Variants in KCNIP4 observed in about 807,000 individuals in gnomAD.
The protein encoded by KCNIP4 is Kv channel-interacting protein 4.
A neutral mutation model predicts 34.0 loss-of-function variants in KCNIP4; 12 were observed. The ratio of observed to expected loss-of-function variants is 0.35; its 90% CI spans 0.23 to 0.57. The LOEUF is 0.57. Ranked by LOEUF, KCNIP4 falls within the 20% of genes least tolerant of loss-of-function variation. The probability of loss-of-function intolerance (pLI) is 0.83; values close to 1 mark genes in which losing one functional copy is unlikely to be tolerated. For synonymous variants in KCNIP4, 124 were observed against 102.2 expected (o/e 1.21, Z -1.29); for missense variants, 238 against 311.7 (o/e 0.76, Z 1.78).
At position 20,732,521 on chromosome 4, in the gene KCNIP4, T is replaced by C. The variant is rs879114350; in HGVS notation, c.642+160A>G. On this transcript the variant is annotated intron_variant, in intron 7 of 8. Transcript: ENST00000382152. ...TAAATGCAGTTATCAGCATTGTAAA[T>C]TCAAAACCAAAGCTATTAAATTAAT... Among the ~76,000 whole-genome samples the C allele has an allele frequency of 2.6e-5, 4 of 152,346 alleles. No homozygotes were observed. In the South Asian group the frequency reaches 8.3e-4, roughly 32 times the overall value.
intron 1 of KCNIP4, among the ~76,000 whole-genome samples, chr4:21,169,660 T>TTGTGTG (rs58544791): frequency 0.052 from 7,053 of 135,866 alleles, 224 homozygotes; most frequent in Non-Finnish European, 0.067. Flanking sequence ...TACTTTATAT[T>TTGTGTG]TGTGTGTGTG....
At chr4:21,611,126 T>C (rs1451959643) in intron 1 of KCNIP4, among the ~76,000 whole-genome samples, 1 of 152,204 alleles carries the variant, frequency 6.6e-6, no homozygotes, top group Non-Finnish European at 1.5e-5. Flanking sequence ...GCTTCTTCCA[T>C]GTCCCTACAA....
intron 3 of KCNIP4, among the ~76,000 whole-genome samples, chr4:20,846,566 T>A (rs377504730): frequency 6.6e-6 from 1 of 152,028 alleles, no homozygotes; most frequent in Non-Finnish European, 1.5e-5. Flanking sequence ...GGACTTCAGA[T>A]TAAAAAAAAG....
At chr4:21,415,164 G>T (rs1724841856) in intron 1 of KCNIP4, among the ~76,000 whole-genome samples, 1 of 151,882 alleles carries the variant, frequency 6.6e-6, no homozygotes, top group Admixed American at 6.6e-5. Flanking sequence ...AGGAGTCTTA[G>T]GACATTATAT....
intron 1 of KCNIP4, among the ~76,000 whole-genome samples, chr4:21,276,109 A>G (rs1464185604): frequency 6.6e-6 from 1 of 152,216 alleles, no homozygotes; most frequent in Non-Finnish European, 1.5e-5. Flanking sequence ...TGGTGCCACT[A>G]CATTCTGTCC....
Position 21,065,748 on chromosome 4 carries a change from AT to A in KCNIP4, c.62-183040del, listed in dbSNP as rs1744313010. ...TGTCTATATATATATATATATATAT[AT>A]ATATATATATATATATAACTCAATT... On this transcript the variant is annotated intron_variant, in intron 1 of 8. Transcript: ENST00000382152. Among the ~76,000 whole-genome samples the A allele has an allele frequency of 3.5e-5, 5 of 143,394 alleles. No homozygotes were observed. The South Asian group carries it at 1.1e-3, about 31-fold the overall frequency. 94.1% of individuals were successfully genotyped at this position (143,394 alleles called of 152,430 possible). A position where few individuals can be genotyped will look rare whatever the true frequency, so the allele number is the denominator to read the frequency against.
chr4:21,093,812 T>C (rs1370896074), intron 1 of KCNIP4, among the ~76,000 whole-genome samples: 1 of 152,104 alleles, frequency 6.6e-6, no homozygotes, highest in East Asian at 1.9e-4. Context: ...GCCAGGCACG[T>C]TGGCTGACGC....
chr4:21,356,191 A>G lies in KCNIP4; in HGVS notation c.62-473482T>C, dbSNP rs560891601. Among the ~76,000 whole-genome samples, 56 of 152,336 alleles carry G rather than the reference A, an allele frequency of 3.7e-4. 1 individual carries two copies. In the South Asian group the frequency reaches 0.011, roughly 30 times the overall value. On this transcript the variant is annotated intron_variant, in intron 1 of 8. Transcript: ENST00000382152. Reference sequence around the variant, plus strand: ...TATCTCAAAATATTAAGAGCTATTTATGACAAACCCACAGCAAATATCATA... The same window carrying G: ...TATCTCAAAATATTAAGAGCTATTTGTGACAAACCCACAGCAAATATCATA...
intron 1 of KCNIP4, among the ~76,000 whole-genome samples, chr4:21,154,469 T>C (rs933277815): frequency 3.3e-5 from 5 of 151,910 alleles, no homozygotes; most frequent in African/African-American, 9.7e-5. Flanking sequence ...CACATTTTCA[T>C]TGCACAACCC....
chr4:21,714,787 TTA>T (rs1491190402), intron 1 of KCNIP4, among the ~76,000 whole-genome samples: 4,589 of 12,000 alleles, frequency 0.38, 669 homozygotes, highest in Non-Finnish European at 0.48. Context: ...TTCCCTTTGA[TTA>T]TTTTATTTTA....
intron 1 of KCNIP4, among the ~76,000 whole-genome samples, chr4:20,923,250 A>G (rs1261368298): frequency 1.3e-5 from 2 of 152,182 alleles, no homozygotes; most frequent in African/African-American, 4.8e-5. Context: ...TTTAAGTCAC[A>G]CCTGGCACTG....
At chr4:20,842,581 C>CAAAAAAAAAAAAAAAAAAA (rs59134256) in intron 3 of KCNIP4, among the ~76,000 whole-genome samples, 3 of 69,688 alleles carry the variant, frequency 4.3e-5, no homozygotes, top group Admixed American at 2.0e-4. Context: ...CTTCTAATGG[C>CAAAAAAAAAAAAAAAAAAA]AAAAAAAAAA....
At chr4:21,040,599 A>C (rs568615279) in intron 1 of KCNIP4, among the ~76,000 whole-genome samples, 1 of 152,184 alleles carries the variant, frequency 6.6e-6, no homozygotes, top group Non-Finnish European at 1.5e-5. Context: ...AAATTGAAAC[A>C]GTACCTTCAT....
At chr4:21,420,647 A>T (rs1318060802) in intron 1 of KCNIP4, among the ~76,000 whole-genome samples, 1 of 152,202 alleles carries the variant, frequency 6.6e-6, no homozygotes, top group Non-Finnish European at 1.5e-5. Flanking sequence ...TTCTAAGTGG[A>T]ATAACTGCTA....
At chr4:21,046,467 C>CA (rs1560674429) in intron 1 of KCNIP4, among the ~76,000 whole-genome samples, 1 of 151,836 alleles carries the variant, frequency 6.6e-6, no homozygotes, top group Non-Finnish European at 1.5e-5. Context: ...GTTTCAAAGT[C>CA]AGAGTGATAA....
At chr4:20,858,914 AAGTGAC>A (rs1721905660) in intron 2 of KCNIP4, among the ~76,000 whole-genome samples, 1 of 152,196 alleles carries the variant, frequency 6.6e-6, no homozygotes, top group Admixed American at 6.5e-5. Flanking sequence ...TACAGCTTAC[AAGTGAC>A]AGGGCTGGGA....
chr4:21,808,835 C>T (rs914185435), intron 1 of KCNIP4, among the ~76,000 whole-genome samples: 8 of 152,176 alleles, frequency 5.3e-5, no homozygotes, highest in African/African-American at 1.9e-4. Flanking sequence ...CTGCACTCAG[C>T]ACTAGAAGAG....
chr4:20,815,591 C>T (rs894687143), intron 3 of KCNIP4, among the ~76,000 whole-genome samples: 3 of 152,146 alleles, frequency 2.0e-5, no homozygotes, highest in African/African-American at 4.8e-5. Context: ...CAGCTGGCAG[C>T]GATCTGGAAA....
chr4:21,782,803 C>T (rs1238758770), intron 1 of KCNIP4, among the ~76,000 whole-genome samples: 1 of 152,048 alleles, frequency 6.6e-6, no homozygotes, highest in East Asian at 1.9e-4. Context: ...AAACAAATTG[C>T]AGTAGATCCC....
Sources: gnomAD v4.1 joint callset for allele counts (sites outside exome capture counted in the v4.1 genomes callset) on GRCh38, gnomAD v4.1.1 for gene constraint, MANE v1.5 for transcripts, NCBI Gene and HGNC (gene_info 2026-07-23, HGNC 2026-07-21) for gene names.